DNAH2: variants seen among roughly 807,000 people sequenced by gnomAD.
The protein encoded by DNAH2 is dynein axonemal heavy chain 2.
In DNAH2, 323 loss-of-function variants were observed where a neutral mutation model predicts 523.5. The ratio of observed to expected loss-of-function variants is 0.62; its 90% CI spans 0.56 to 0.68. The LOEUF is 0.68. DNAH2 is among the 30% of genes least tolerant of loss of function. The pLI, the probability that DNAH2 is intolerant of heterozygous loss-of-function variation, is 0.00. For synonymous variants in DNAH2, 2,093 were observed against 2,177.4 expected (o/e 0.96, Z 1.08); for missense variants, 4,907 against 5,701.5 (o/e 0.86, Z 4.49).
Position 7,804,179 on chromosome 17 carries a change from G to A in DNAH2, c.8973-77G>A, listed in dbSNP as rs2077299149. ...AAGGAAGGCGGACTCGAGACACACG[G>A]GGAAGGTGGACCTTACAGGACACCG... On this transcript the variant is annotated intron_variant, in intron 58 of 85. Coordinates refer to ENST00000572933, the MANE Select transcript of DNAH2 (RefSeq NM_020877.5). 1.6e-5 allele frequency: 23 copies of A among 1,466,386 alleles called. No homozygotes were observed. The South Asian group carries it at 2.8e-4, about 18-fold the overall frequency. The allele number at this position is 1,466,386 out of a possible 1,614,324, so 90.8% of individuals were successfully genotyped here.
chr17:7,778,485 C>T lies in DNAH2; in HGVS notation c.5541+16C>T. 1 of 1,588,918 alleles carries T rather than the reference C, an allele frequency of 6.3e-7. No homozygotes were observed. The highest frequency in any genetic ancestry group is 8.6e-7 in the Non-Finnish European group (1 of 1,165,930). On this transcript the variant is annotated intron_variant, in intron 35 of 85. Coordinates refer to ENST00000572933, the MANE Select transcript of DNAH2 (RefSeq NM_020877.5). Reference sequence around the variant, plus strand: ...TCTGGCCCAGGTCAGTATCCTGCCACCCTGTGCCAGAAGCCCCTTAAATAC... The same window carrying T: ...TCTGGCCCAGGTCAGTATCCTGCCATCCTGTGCCAGAAGCCCCTTAAATAC...
In DNAH2 at chr17:7,744,242, C is replaced by T. The variant is rs960897783; in HGVS notation, c.1904+1100C>T. ...CCGGGAGGCGGAGGTTGCAGTGAGCCGAGATCACGCCATTGCACTCCAGCC... is the reference window on the plus strand; with the variant it reads ...CCGGGAGGCGGAGGTTGCAGTGAGCTGAGATCACGCCATTGCACTCCAGCC... On this transcript the variant is annotated intron_variant, in intron 12 of 85. Transcript: ENST00000572933. Among the ~76,000 whole-genome samples, 6 of 144,724 alleles carry T rather than the reference C, an allele frequency of 4.1e-5. 1 individual carries two copies. Among genetic ancestry groups the T allele is most frequent in the Admixed American group, 3.6e-4 (5 of 13,840 alleles). 94.9% of individuals were successfully genotyped at this position (144,724 alleles called of 152,430 possible).
Position 7,768,187 on chromosome 17 carries a change from A to G in DNAH2, c.3861A>G (p.Glu1287=). The part of the protein sequence containing the change: ...EYKDRNWEII[E]TTRSKIEQFK... The stretch of plus-strand genomic sequence containing the variant: ...AGGACCGAAACTGGGAAATTATTGA[A>G]ACCACTCGCTCAAAAATAGAGCAGT... The change falls in exon 24 of 86, where the codon GAA becomes GAG. Residue 1287 remains glutamate (E), a synonymous_variant. Coordinates refer to ENST00000572933, the MANE Select transcript of DNAH2 (RefSeq NM_020877.5). 6.2e-7 allele frequency: 1 copy of G among 1,614,136 alleles called. No homozygotes were observed. Among genetic ancestry groups the G allele is most frequent in the Non-Finnish European group, 8.5e-7 (1 of 1,180,018 alleles).
At chr17:7,729,345 A>G (rs2074917811) in intron 4 of DNAH2, among the ~76,000 whole-genome samples, 1 of 151,844 alleles carries the variant, frequency 6.6e-6, no homozygotes, top group Admixed American at 6.6e-5. Context: ...CAGGAGTTCG[A>G]ATCAATCCTG....
At position 7,779,236 on chromosome 17, in the gene DNAH2, C is replaced by A. The variant is rs1387606435; in HGVS notation, c.5542-7C>A. The A allele has an allele frequency of 6.2e-7, 1 of 1,613,596 alleles. No individual in the cohort carries two copies. The highest frequency in any genetic ancestry group is 1.7e-5 in the Admixed American group (1 of 60,018). Reference sequence around the variant, plus strand: ...CGCTCCCAGTGACTCTGCCTTGCACCCCGCAGACTGGAGCTTGGGGCTGCT... The same window carrying A: ...CGCTCCCAGTGACTCTGCCTTGCACACCGCAGACTGGAGCTTGGGGCTGCT... On this transcript the variant is annotated splice_polypyrimidine_tract_variant and splice_region_variant and intron_variant, in intron 35 of 85. Transcript: ENST00000572933.
Position 7,739,888 on chromosome 17 carries a change from C to T in DNAH2, c.1326C>T (p.Arg442=), listed in dbSNP as rs566718536. ...ATCTGCACACGCTGCGAGCCGTTCG[C>T]GGGGGTATCCTGGATGTCAAGAACA... is the stretch of plus-strand genomic sequence containing the variant. The part of the protein sequence containing the change: ...HKNLHTLRAV[R]GGILDVKNTC... Residue 442 remains arginine, a synonymous_variant, in exon 9 of 86, where the codon CGC becomes CGT. Coordinates refer to ENST00000572933, the MANE Select transcript of DNAH2 (RefSeq NM_020877.5). 61 of 1,613,916 alleles carry T rather than the reference C, an allele frequency of 3.8e-5. No individual in the cohort carries two copies. The Admixed American group carries it at 6.8e-4, about 18-fold the overall frequency.
In DNAH2 at chr17:7,719,804, C is replaced by T. The variant is rs145790522; in HGVS notation, c.70C>T (p.Arg24Trp). The T allele has an allele frequency of 2.5e-5, 40 of 1,613,140 alleles. No individual in the cohort carries two copies. Among genetic ancestry groups the T allele is most frequent in the Admixed American group, 3.3e-5 (2 of 59,916 alleles). The part of the protein sequence containing the change: ...RGSSQASWSG[R>W]ATRAAVATQE... ...AAGCTCCCAGGCAAGCTGGTCAGGG[C>T]GGGCCACTCGGGCTGCTGTGGCCAC... Residue 24 changes from arginine (R) to tryptophan (W), a missense_variant, in exon 2 of 86, where the codon CGG becomes TGG. By Grantham distance (101) the Arg-to-Trp change is moderately radical (BLOSUM62 -3). Around this residue, in one of 3 missense-constraint regions of DNAH2, gnomAD observed 2,806 missense variants for 3,190.8 expected, o/e 0.88. Coordinates refer to ENST00000572933, the MANE Select transcript of DNAH2 (RefSeq NM_020877.5).
intron 49 of DNAH2, 80 bp from the exon 50 acceptor site, chr17:7,796,384 C>T: frequency 1.3e-6 from 2 of 1,511,758 alleles, no homozygotes; most frequent in South Asian, 2.5e-5. Context: ...AAATTGTGCC[C>T]ATGAGCCAAG....
chr17:7,759,197 G>C (rs2075934286), intron 15 of DNAH2, 73 bp downstream of exon 15: 2 of 1,589,736 alleles, frequency 1.3e-6, no homozygotes, highest in East Asian at 4.5e-5. Context: ...CCATTCTCTT[G>C]CTCCCCGACC....
chr17:7,740,053 C>A, intron 9 of DNAH2, 115 bp downstream of exon 9: 2 of 766,634 alleles, frequency 2.6e-6, no homozygotes, highest in Non-Finnish European at 3.4e-6. Flanking sequence ...AGATCGGGAT[C>A]AGGGCGGTGG....
intron 77 of DNAH2, among the ~76,000 whole-genome samples, chr17:7,827,386 T>C (rs1055406342): frequency 1.3e-5 from 2 of 152,138 alleles, no homozygotes; most frequent in African/African-American, 2.4e-5. Flanking sequence ...TTTAAGTTTT[T>C]AATCACTTGG....
rs201408559 is a variant in DNAH2, at chr17:7,774,980, A to C, written c.4719+4A>C. The stretch of plus-strand genomic sequence containing the variant: ...CAAGTTGCTGAGAATCCAGAAGGTC[A>C]GTAGAAGTGGCCACAGTGAGATGCT... On this transcript the variant is annotated splice_donor_region_variant and intron_variant, in intron 29 of 85. Coordinates refer to ENST00000572933, the MANE Select transcript of DNAH2 (RefSeq NM_020877.5). 5.0e-6 allele frequency: 8 copies of C among 1,613,346 alleles called. No homozygotes were observed. The highest frequency in any genetic ancestry group is 6.8e-6 in the Non-Finnish European group (8 of 1,179,952).
In DNAH2 at chr17:7,824,583, G is replaced by A; in HGVS notation, c.11709G>A (p.Met3903Ile). ...ACTGCCACCTGTCACTGTCTTGGAT[G>A]CCTAATCTGGACAAGCTGGTGGAGC... ...LANCHLSLSW[M>I]PNLDKLVEQL... The change falls in exon 77 of 86, where the codon ATG becomes ATA. Residue 3903 changes from methionine to isoleucine, a missense_variant. This residue lies in a region of DNAH2 where 1,851 missense variants were observed against 2,139.4 expected (regional missense o/e 0.87). Transcript: ENST00000572933. 1.9e-6 allele frequency: 3 copies of A among 1,597,584 alleles called. No individual in the cohort carries two copies. The highest frequency in any genetic ancestry group is 2.6e-6 in the Non-Finnish European group (3 of 1,168,424).
At position 7,818,625 on chromosome 17, in the gene DNAH2, G is replaced by C. The variant is rs1274181250; in HGVS notation, c.10537-18G>C. On this transcript the variant is annotated intron_variant, in intron 69 of 85. Transcript: ENST00000572933. ...CGAAGGAGTGACAGCCCCTCACTGT[G>C]AGTCCTGATGCCCCCAGGGCCTGGA... 3 of 1,613,378 alleles carry C rather than the reference G, an allele frequency of 1.9e-6. No individual in the cohort carries two copies. In the South Asian group the frequency reaches 3.3e-5, roughly 18 times the overall value.
chr17:7,741,236 C>CTCTG, intron 11 of DNAH2, among the ~76,000 whole-genome samples: 1 of 85,596 alleles, frequency 1.2e-5, no homozygotes, highest in Non-Finnish European at 2.6e-5. Flanking sequence ...TTTTCTCTCT[C>CTCTG]TCTTTCTTTC....
intron 77 of DNAH2, among the ~76,000 whole-genome samples, chr17:7,825,110 C>G (rs1192870628): frequency 6.6e-6 from 1 of 152,150 alleles, no homozygotes; most frequent in Non-Finnish European, 1.5e-5. Flanking sequence ...TTCTTTTATA[C>G]CTCAGAACCT....
At chr17:7,778,594 A>G in intron 35 of DNAH2, 125 bp downstream of exon 35, 1 of 815,440 alleles carries the variant, frequency 1.2e-6, no homozygotes, top group Non-Finnish European at 1.7e-6. Context: ...TGTAATTCTT[A>G]TTTATTTATT....
chr17:7,719,676 G>C, intron 1 of DNAH2, 45 bp from the exon 2 acceptor site: 1 of 1,611,350 alleles, frequency 6.2e-7, no homozygotes. Flanking sequence ...GGCTGGTTCA[G>C]GGGTGGTATC....
intron 22 of DNAH2, among the ~76,000 whole-genome samples, chr17:7,767,538 C>T (rs1389029057): frequency 4.6e-5 from 7 of 151,922 alleles, no homozygotes; most frequent in African/African-American, 1.2e-4. Context: ...GCAGCTGCAC[C>T]GTTTCACATT....
Sources: allele counts gnomAD v4.1 joint callset (sites outside exome capture counted in the v4.1 genomes callset), GRCh38; gene constraint gnomAD v4.1.1; regional missense constraint gnomAD v4.1.1; transcripts MANE v1.5; gene names NCBI Gene and HGNC (gene_info 2026-07-23, HGNC 2026-07-21).